Variants in MAMLD1 observed in about 807,000 individuals in gnomAD.
MAMLD1 encodes mastermind like domain containing 1.
Under a neutral mutation model 45.0 loss-of-function variants are expected in MAMLD1, and 14 were observed. The ratio of observed to expected loss-of-function variants is 0.31; its 90% confidence interval spans 0.21 to 0.49. MAMLD1 has a LOEUF of 0.49. MAMLD1 is among the 20% of genes least tolerant of loss of function. The pLI is 0.99. For missense variants in MAMLD1, 543 were observed against 603.6 expected (o/e 0.90, Z 1.05); for synonymous variants, 254 against 247.8 (o/e 1.02, Z -0.24).
intron 5 of MAMLD1, among the ~76,000 whole-genome samples, chrX:150,492,255 A>T (rs971322035): frequency 4.4e-5 from 5 of 112,690 alleles, no homozygotes; most frequent in African/African-American, 1.6e-4. Flanking sequence ...GCTGCAGGCC[A>T]TTTGCAGGGC....
Position 150,513,219 on chromosome X carries a change from A to G in MAMLD1, c.*1260A>G, listed in dbSNP as rs188748280. The stretch of plus-strand genomic sequence containing the variant: ...CTCTCTCTACCTGTGACAAAATGGA[A>G]AGCTGGTGATTTTTCAAGCTACGTG... On this transcript the variant is annotated 3_prime_UTR_variant, in exon 8 of 8. Transcript: ENST00000370401. 1 of 496,276 alleles carries G rather than the reference A, an allele frequency of 2.0e-6. No homozygotes were observed. The highest frequency in any genetic ancestry group is 4.3e-5 in the Admixed American group (1 of 23,254). The allele number at this position is 496,276 out of a possible 1,213,427, so 40.9% of individuals were successfully genotyped here. A position where few individuals can be genotyped will look rare whatever the true frequency, so the allele number is the denominator to read the frequency against.
chrX:150,368,516 G>A (rs1243157923), intron 1 of MAMLD1, among the ~76,000 whole-genome samples: 12 of 110,631 alleles, frequency 1.1e-4, no homozygotes, highest in East Asian at 5.7e-4. Context: ...TAGGTTGCCC[G>A]TTCACTCTGA....
intron 1 of MAMLD1, among the ~76,000 whole-genome samples, chrX:150,439,071 C>T (rs781890933): frequency 8.9e-5 from 10 of 111,969 alleles, no homozygotes; most frequent in African/African-American, 1.9e-4. Flanking sequence ...GCTGTGGTTT[C>T]GGTTGTCATT....
chrX:150,447,711 G>T lies in MAMLD1; in HGVS notation c.96+2099G>T, dbSNP rs1480558157. Among the ~76,000 whole-genome samples, 3 of 111,282 alleles carry T rather than the reference G, an allele frequency of 2.7e-5. No homozygotes were observed. The East Asian group carries it at 8.4e-4, about 31-fold the overall frequency. On this transcript the variant is annotated intron_variant, in intron 2 of 7. Transcript: ENST00000370401. ...CCTGGAAGGTGAGTGGCCAAAGGAG[G>T]TCCTTTGCAAGAGCTGGGCTTGCAT...
chrX:150,447,846 T>C lies in MAMLD1; in HGVS notation c.96+2234T>C, dbSNP rs1469818048. 2.7e-5 allele frequency among the ~76,000 whole-genome samples: 3 copies of C among 111,960 alleles called. No individual in the cohort carries two copies. In the East Asian group the frequency reaches 8.4e-4, roughly 31 times the overall value. On this transcript the variant is annotated intron_variant, in intron 2 of 7. Transcript: ENST00000370401. ...CCTGAACCCTAGTCCCAGGAAACCATGTGCATCTGGAAGCACGTTTCTTGC... is the reference window on the plus strand; with the variant it reads ...CCTGAACCCTAGTCCCAGGAAACCACGTGCATCTGGAAGCACGTTTCTTGC...
At chrX:150,406,963 T>C (rs1349598905) in intron 1 of MAMLD1, among the ~76,000 whole-genome samples, 4 of 110,852 alleles carry the variant, frequency 3.6e-5, no homozygotes, top group African/African-American at 1.3e-4. Flanking sequence ...CCTCTGTCCA[T>C]ATGGGCCCAG....
intron 5 of MAMLD1, among the ~76,000 whole-genome samples, chrX:150,490,925 G>T (rs950720550): frequency 2.7e-5 from 3 of 111,720 alleles, no homozygotes; most frequent in Non-Finnish European, 3.8e-5. Context: ...CAGAGTAAAG[G>T]ACAAAAAATG....
intron 1 of MAMLD1, among the ~76,000 whole-genome samples, chrX:150,399,982 C>A (rs1253480866): frequency 8.9e-6 from 1 of 111,736 alleles, no homozygotes; most frequent in Non-Finnish European, 1.9e-5. Context: ...TAGGACCCAG[C>A]CTGCCCTGTT....
rs1354268968 is a variant in MAMLD1, at chrX:150,465,216, A to G, written c.171+2370A>G. Among the ~76,000 whole-genome samples the G allele has an allele frequency of 2.7e-5, 3 of 111,858 alleles. No individual in the cohort carries two copies. The Admixed American group carries it at 2.8e-4, about 11-fold the overall frequency. ...CCTGCCAGACTTCTTTGGATAAGTT[A>G]TATTCTTTACTCTCCTTATGCTCAT... is the stretch of plus-strand genomic sequence containing the variant. On this transcript the variant is annotated intron_variant, in intron 3 of 7. Transcript: ENST00000370401.
intron 7 of MAMLD1, 64 bp from the exon 8 acceptor site, chrX:150,511,940 T>A: frequency 5.0e-6 from 5 of 1,001,622 alleles, no homozygotes; most frequent in Non-Finnish European, 6.4e-6. Flanking sequence ...TACCCTCCGG[T>A]GGCCACAGCC....
intron 1 of MAMLD1, among the ~76,000 whole-genome samples, chrX:150,364,823 C>T (rs905649607): frequency 8.8e-6 from 1 of 113,153 alleles, no homozygotes; most frequent in African/African-American, 3.2e-5. Context: ...CTGGGTCTCC[C>T]GGGGTAGACC....
intron 1 of MAMLD1, among the ~76,000 whole-genome samples, chrX:150,408,243 C>T (rs782222595): frequency 1.8e-5 from 2 of 110,764 alleles, no homozygotes; most frequent in South Asian, 7.9e-4. Flanking sequence ...GACTGGGGCG[C>T]CGCTCTTATC....
At chrX:150,436,753 A>G (rs1557404295) in intron 1 of MAMLD1, among the ~76,000 whole-genome samples, 1 of 111,723 alleles carries the variant, frequency 9.0e-6, no homozygotes, top group Non-Finnish European at 1.9e-5. Flanking sequence ...CAGCCTGGTA[A>G]AGAACCATTA....
At chrX:150,387,137 G>A (rs1008215082) in intron 1 of MAMLD1, among the ~76,000 whole-genome samples, 11 of 110,865 alleles carry the variant, frequency 9.9e-5, no homozygotes, top group Non-Finnish European at 1.9e-4. Context: ...GTGTTTAATA[G>A]GTAAGACATT....
At chrX:150,453,718 G>A (rs2035746592) in intron 2 of MAMLD1, among the ~76,000 whole-genome samples, 1 of 111,083 alleles carries the variant, frequency 9.0e-6, no homozygotes, top group African/African-American at 3.3e-5. Context: ...GCAAATTCAC[G>A]ACTACTTCCC....
intron 2 of MAMLD1, among the ~76,000 whole-genome samples, chrX:150,455,075 T>C (rs889080207): frequency 1.2e-5 from 1 of 86,069 alleles, no homozygotes; most frequent in Non-Finnish European, 2.4e-5. Context: ...CATACACACA[T>C]ACAGTGAAAT....
chrX:150,463,266 G>A (rs73246853), intron 3 of MAMLD1, among the ~76,000 whole-genome samples: 10,374 of 111,478 alleles, frequency 0.093, 469 homozygotes, highest in Non-Finnish European at 0.13. Context: ...TCTCCCCACA[G>A]TAATCATCTC....
At chrX:150,451,051 G>A (rs1349564997) in intron 2 of MAMLD1, among the ~76,000 whole-genome samples, 1 of 112,827 alleles carries the variant, frequency 8.9e-6, no homozygotes, top group Admixed American at 9.3e-5. Flanking sequence ...CAGCTTGCAG[G>A]ACACCACTGG....
At chrX:150,390,990 C>T (rs782506564) in intron 1 of MAMLD1, among the ~76,000 whole-genome samples, 1 of 112,207 alleles carries the variant, frequency 8.9e-6, no homozygotes, top group South Asian at 3.7e-4. Context: ...TGTACCACTT[C>T]CTTCTGTACT....
Sources: gnomAD v4.1 joint callset for allele counts (sites outside exome capture counted in the v4.1 genomes callset) on GRCh38, gnomAD v4.1.1 for gene constraint, MANE v1.5 for transcripts, NCBI Gene and HGNC (gene_info 2026-07-23, HGNC 2026-07-21) for gene names.